The following SERGEF variants were observed in gnomAD, a reference collection of about 807,000 sequenced individuals.
SERGEF encodes secretion regulating guanine nucleotide exchange factor, also known as secretion-regulating guanine nucleotide exchange factor.
In SERGEF, 51 loss-of-function variants were observed where a neutral mutation model predicts 50.0. The observed-to-expected ratio is 1.02, with a 90% CI of 0.81 to 1.29. The LOEUF is 1.29. SERGEF is among the 50% of genes most tolerant of loss of function. The pLI is 0.00. For missense variants in SERGEF, 521 were observed against 557.0 expected, an observed-to-expected ratio of 0.94 and a Z score of 0.65; for synonymous variants, 205 against 212.4, an observed-to-expected ratio of 0.97 and a Z score of 0.30.
At chr11:17,988,885 G>A (rs1853652500) in intron 7 of SERGEF, 130 bp from the exon 8 acceptor site, 2 of 801,970 alleles carry the variant, frequency 2.5e-6, no homozygotes, top group African/African-American at 1.8e-5. Flanking sequence ...GTTGAGTGGA[G>A]CCAAGCAGGT....
intron 7 of SERGEF, 123 bp downstream of exon 7, chr11:17,992,808 G>T: frequency 1.2e-6 from 1 of 819,420 alleles, no homozygotes; most frequent in Non-Finnish European, 2.0e-6. Context: ...CATACCAGTG[G>T]TAGCATCAGA....
rs1224358841 is a variant in SERGEF at position 18,012,936 on chromosome 11, G to A, written c.60+15C>T. 3 of 1,518,044 alleles carry A rather than the reference G, an allele frequency of 2.0e-6. No homozygotes were observed. Among genetic ancestry groups the A allele is most frequent in the East Asian group, 2.6e-5 (1 of 38,166 alleles). 94.0% of individuals were successfully genotyped at this position (1,518,044 alleles called of 1,614,324 possible). A position where few individuals can be genotyped will look rare whatever the true frequency, so the allele number is the denominator to read the frequency against. The stretch of plus-strand genomic sequence containing the variant: ...CCCTCAGGGCCTGCACCGGCCCGGG[G>A]GCGGAGTCACGTACCCAGGCGAAGA... On this transcript the variant is annotated intron_variant, in intron 1 of 10. Transcript: ENST00000265965.
chr11:17,830,566 AAGAGAGGGAGAGAGATGG>A (rs1387784403), intron 10 of SERGEF, among the ~76,000 whole-genome samples: 1 of 131,946 alleles, frequency 7.6e-6, no homozygotes. Flanking sequence ...GAGAGAGAGG[AAGAGAGGGAGAGAGATGG>A]GGAGAGGGAG....
intron 4 of SERGEF, 43 bp downstream of exon 4, chr11:18,004,398 A>G (rs1218871168): frequency 7.0e-7 from 1 of 1,427,828 alleles, no homozygotes; most frequent in African/African-American, 1.4e-5. Context: ...CCTTGGAAAC[A>G]CTTTAACAGG....
intron 10 of SERGEF, among the ~76,000 whole-genome samples, chr11:17,817,863 C>G (rs1392879469): frequency 6.6e-6 from 1 of 152,184 alleles, no homozygotes; most frequent in Non-Finnish European, 1.5e-5. Flanking sequence ...GATGTTATAA[C>G]CACTCCAACC....
chr11:17,964,433 A>G (rs983408569), intron 8 of SERGEF, among the ~76,000 whole-genome samples: 1 of 152,156 alleles, frequency 6.6e-6, no homozygotes, highest in African/African-American at 2.4e-5. Flanking sequence ...GGGAAGAGAA[A>G]TTTCTACCCT....
intron 9 of SERGEF, among the ~76,000 whole-genome samples, chr11:17,940,782 T>C (rs1443452383): frequency 6.6e-6 from 1 of 152,092 alleles, no homozygotes; most frequent in Non-Finnish European, 1.5e-5. Flanking sequence ...CCTTCAGTCT[T>C]ACACTGGAGA....
chr11:17,896,979 C>T (rs978847508), intron 9 of SERGEF, among the ~76,000 whole-genome samples: 2 of 150,886 alleles, frequency 1.3e-5, no homozygotes, highest in East Asian at 2.0e-4. Context: ...ATTAGAAAGG[C>T]CATTCTAAAA....
intron 9 of SERGEF, among the ~76,000 whole-genome samples, chr11:17,946,544 G>A (rs1199940974): frequency 6.6e-6 from 1 of 152,174 alleles, no homozygotes; most frequent in African/African-American, 2.4e-5. Context: ...AGTGTTGTAA[G>A]GCACGGGGAA....
At chr11:17,995,165 C>G (rs1853810907) in intron 6 of SERGEF, among the ~76,000 whole-genome samples, 1 of 152,106 alleles carries the variant, frequency 6.6e-6, no homozygotes, top group East Asian at 1.9e-4. Context: ...AAATACAGAC[C>G]AAATGACCAA....
chr11:17,838,643 G>C (rs1302083506), intron 10 of SERGEF, among the ~76,000 whole-genome samples: 3 of 152,060 alleles, frequency 2.0e-5, no homozygotes, highest in African/African-American at 7.2e-5. Context: ...AGCTACTTTA[G>C]CACTCTGAAT....
chr11:17,883,439 T>C (rs762234612), intron 9 of SERGEF, among the ~76,000 whole-genome samples: 22 of 152,362 alleles, frequency 1.4e-4, no homozygotes, highest in African/African-American at 2.2e-4. Context: ...AGAATACTTA[T>C]AGGCCAGGCA....
intron 8 of SERGEF, among the ~76,000 whole-genome samples, 168 bp from the exon 9 acceptor site, chr11:17,959,804 A>G (rs1852960550): frequency 6.6e-6 from 1 of 152,210 alleles, no homozygotes; most frequent in South Asian, 2.1e-4. Flanking sequence ...ACAGATGTGG[A>G]AACTAAGGTT....
At chr11:17,929,332 A>G (rs1852309725) in intron 9 of SERGEF, among the ~76,000 whole-genome samples, 1 of 152,192 alleles carries the variant, frequency 6.6e-6, no homozygotes, top group Non-Finnish European at 1.5e-5. Flanking sequence ...TGCTCAAGGC[A>G]GCCACTAAGA....
intron 8 of SERGEF, among the ~76,000 whole-genome samples, chr11:17,985,168 C>T (rs1853568324): frequency 6.6e-6 from 1 of 152,136 alleles, no homozygotes; most frequent in Non-Finnish European, 1.5e-5. Context: ...GTGGCATTAT[C>T]CCTGTGGAAA....
At chr11:17,943,346 G>T (rs944223422) in intron 9 of SERGEF, among the ~76,000 whole-genome samples, 3 of 152,014 alleles carry the variant, frequency 2.0e-5, no homozygotes, top group African/African-American at 4.8e-5. Flanking sequence ...TATCTAAGTT[G>T]CTGAATTTAT....
intron 10 of SERGEF, among the ~76,000 whole-genome samples, chr11:17,869,157 T>C (rs1489924129): frequency 6.6e-6 from 1 of 152,120 alleles, no homozygotes; most frequent in African/African-American, 2.4e-5. Context: ...CATTATACTC[T>C]GGAGGAGAGA....
intron 10 of SERGEF, among the ~76,000 whole-genome samples, chr11:17,796,953 G>T (rs1431745676): frequency 6.6e-6 from 1 of 152,214 alleles, no homozygotes; most frequent in Non-Finnish European, 1.5e-5. Flanking sequence ...GGTGAGAGGA[G>T]TAGATGGGGG....
intron 10 of SERGEF, among the ~76,000 whole-genome samples, chr11:17,816,117 G>A (rs1053040108): frequency 3.3e-5 from 5 of 152,172 alleles, no homozygotes; most frequent in South Asian, 2.1e-4. Context: ...CTGTGCTCAG[G>A]TAGAGCAAAT....
Sources: allele counts gnomAD v4.1 joint callset (sites outside exome capture counted in the v4.1 genomes callset), GRCh38; gene constraint gnomAD v4.1.1; transcripts MANE v1.5; gene names NCBI Gene and HGNC (gene_info 2026-07-23, HGNC 2026-07-21).